PTPRM: variants seen among roughly 807,000 people sequenced by gnomAD.
PTPRM encodes receptor-type tyrosine-protein phosphatase mu.
In PTPRM, 47 loss-of-function variants were observed where a neutral mutation model predicts 186.7. The observed-to-expected ratio is 0.25, with a 90% confidence interval of 0.20 to 0.32. PTPRM has a LOEUF of 0.32. PTPRM is among the 10% of genes least tolerant of loss of function. PTPRM has a pLI of 1.00. For synonymous variants in PTPRM, 668 were observed against 674.9 expected (o/e 0.99, Z 0.16); for missense variants, 1,494 against 1,865.0 (o/e 0.80, Z 3.66).
chr18:8,221,051 A>G (rs2094147565), intron 14 of PTPRM, among the ~76,000 whole-genome samples: 1 of 152,210 alleles, frequency 6.6e-6, no homozygotes, highest in South Asian at 2.1e-4. Flanking sequence ...GATACAACTT[A>G]GACTTGAAGT....
intron 7 of PTPRM, among the ~76,000 whole-genome samples, chr18:7,973,835 A>G (rs1020776761): frequency 2.6e-5 from 4 of 152,134 alleles, no homozygotes; most frequent in Admixed American, 1.3e-4. Flanking sequence ...TGTTTGCTAA[A>G]TGACCCATTG....
chr18:7,920,314 G>A (rs745649085), intron 4 of PTPRM, among the ~76,000 whole-genome samples: 19 of 151,924 alleles, frequency 1.3e-4, no homozygotes, highest in Non-Finnish European at 2.5e-4. Context: ...CTGGTCACGT[G>A]TTTTAATTTG....
Position 8,284,224 on chromosome 18 carries a change from C to T in PTPRM, c.2755-12144C>T, listed in dbSNP as rs1024101568. 2.6e-5 allele frequency among the ~76,000 whole-genome samples: 4 copies of T among 152,290 alleles called. No homozygotes were observed. In the East Asian group the frequency reaches 7.7e-4, roughly 29 times the overall value. On this transcript the variant is annotated intron_variant, in intron 19 of 32. Transcript: ENST00000580170. The stretch of plus-strand genomic sequence containing the variant: ...TTGCCTTCTTGAAAATGTTTTAAGG[C>T]AGTACATCTAATAAGCATGAAGCAT...
Position 8,289,537 on chromosome 18 carries a change from C to CAT in PTPRM, c.2755-6819_2755-6818dup, listed in dbSNP as rs375355209. Among the ~76,000 whole-genome samples, 257 of 93,708 alleles carry CAT rather than the reference C, an allele frequency of 2.7e-3. 8 individuals carry two copies. Among genetic ancestry groups the CAT allele is most frequent in the Middle Eastern group, 6.5e-3 (1 of 154 alleles). 61.5% of individuals were successfully genotyped at this position (93,708 alleles called of 152,430 possible). A position where few individuals can be genotyped will look rare whatever the true frequency, so the allele number is the denominator to read the frequency against. ...ATGTATATATATACATATATATACA[C>CAT]ATATATATATATACATATATATACA... On this transcript the variant is annotated intron_variant, in intron 19 of 32. Coordinates refer to ENST00000580170, the MANE Select transcript of PTPRM (RefSeq NM_001105244.2).
chr18:7,646,552 C>T (rs1056839685), intron 1 of PTPRM, among the ~76,000 whole-genome samples: 17 of 152,146 alleles, frequency 1.1e-4, no homozygotes, highest in Admixed American at 6.5e-5. Flanking sequence ...CTGGAGGACT[C>T]GCTCTTCCCA....
intron 1 of PTPRM, among the ~76,000 whole-genome samples, chr18:7,652,249 A>C (rs2038727754): frequency 6.6e-6 from 1 of 152,192 alleles, no homozygotes; most frequent in Non-Finnish European, 1.5e-5. Context: ...AAAGTCAGGA[A>C]ACAACAGGTG....
chr18:7,895,144 A>G (rs1042041492), intron 3 of PTPRM, among the ~76,000 whole-genome samples: 1 of 152,108 alleles, frequency 6.6e-6, no homozygotes, highest in African/African-American at 2.4e-5. Flanking sequence ...AGCTTGGGCA[A>G]CTGATTTAAA....
rs80046296 is a variant in PTPRM at position 8,081,240 on chromosome 18, C to T, written c.1552-4431C>T. Among the ~76,000 whole-genome samples the T allele has an allele frequency of 5.8e-3, 882 of 152,306 alleles. 12 individuals carry two copies. The highest frequency in any genetic ancestry group is 0.02 in the African/African-American group (826 of 41,566). On this transcript the variant is annotated intron_variant, in intron 9 of 32. Transcript: ENST00000580170. ...GAAGACAATTTTGGAAGATTTCAGGCACTTACCTGCAAATCAGAAATCATC... is the reference window on the plus strand; with the variant it reads ...GAAGACAATTTTGGAAGATTTCAGGTACTTACCTGCAAATCAGAAATCATC...
chr18:7,973,232 A>T (rs556171225), intron 7 of PTPRM, among the ~76,000 whole-genome samples: 1 of 152,102 alleles, frequency 6.6e-6, no homozygotes, highest in Admixed American at 6.6e-5. Flanking sequence ...TTCGATTTCT[A>T]TAAGTTAAGT....
At chr18:7,765,521 G>A (rs1046741818) in intron 1 of PTPRM, among the ~76,000 whole-genome samples, 1 of 152,062 alleles carries the variant, frequency 6.6e-6, no homozygotes, top group Non-Finnish European at 1.5e-5. Context: ...GAAGAAAGCA[G>A]GGCCTCTGCT....
At chr18:8,381,875 T>C (rs1345928745) in intron 29 of PTPRM, among the ~76,000 whole-genome samples, 2 of 152,214 alleles carry the variant, frequency 1.3e-5, no homozygotes, top group Non-Finnish European at 2.9e-5. Context: ...AATCCTGAAA[T>C]GTGGAGATAT....
At chr18:8,144,128 A>G (rs554084462) in intron 14 of PTPRM, among the ~76,000 whole-genome samples, 302 of 152,312 alleles carry the variant, frequency 2.0e-3, no homozygotes, top group African/African-American at 6.9e-3. Context: ...GGTAATCACA[A>G]AGATATGAGA....
intron 23 of PTPRM, among the ~76,000 whole-genome samples, chr18:8,345,388 C>A (rs926131204): frequency 1.3e-5 from 2 of 152,012 alleles, no homozygotes; most frequent in Admixed American, 6.6e-5. Flanking sequence ...TAGAGAAAAA[C>A]CACATATAGC....
At chr18:8,092,248 TC>T in intron 11 of PTPRM, among the ~76,000 whole-genome samples, 1 of 152,182 alleles carries the variant, frequency 6.6e-6, no homozygotes, top group Non-Finnish European at 1.5e-5. Flanking sequence ...ACACATCAGC[TC>T]TGTCACATAA....
At chr18:7,910,976 T>G (rs2050234681) in intron 4 of PTPRM, among the ~76,000 whole-genome samples, 1 of 152,168 alleles carries the variant, frequency 6.6e-6, no homozygotes, top group Admixed American at 6.5e-5. Context: ...TTAATTTACT[T>G]GTTGTTCCTG....
intron 19 of PTPRM, chr18:8,270,112 A>G (rs1230161158): frequency 1.3e-5 from 2 of 152,112 alleles, no homozygotes; most frequent in African/African-American, 4.8e-5. Context: ...ACTTCTGTAC[A>G]GCAAAGGAAA....
intron 19 of PTPRM, among the ~76,000 whole-genome samples, chr18:8,254,292 C>T (rs1568610446): frequency 6.6e-6 from 1 of 152,194 alleles, no homozygotes; most frequent in African/African-American, 2.4e-5. Context: ...CACCCTGTGC[C>T]ATTAGTTAAT....
chr18:7,947,501 G>A (rs976261352), intron 5 of PTPRM, among the ~76,000 whole-genome samples: 1 of 152,154 alleles, frequency 6.6e-6, no homozygotes, highest in Non-Finnish European at 1.5e-5. Flanking sequence ...TTCCTTTGTA[G>A]GCTAGCATTT....
chr18:8,184,728 C>T (rs1440257233), intron 14 of PTPRM, among the ~76,000 whole-genome samples: 2 of 152,088 alleles, frequency 1.3e-5, no homozygotes, highest in Non-Finnish European at 2.9e-5. Flanking sequence ...GAGGATTTGC[C>T]CTATGTATTT....
Sources: allele counts gnomAD v4.1 joint callset (sites outside exome capture counted in the v4.1 genomes callset), GRCh38; gene constraint gnomAD v4.1.1; transcripts MANE v1.5; gene names NCBI Gene and HGNC (gene_info 2026-07-23, HGNC 2026-07-21).